ANK2: variants seen among roughly 807,000 people sequenced by gnomAD.
The protein encoded by ANK2 is ankyrin 2.
Under a neutral mutation model 360.5 loss-of-function variants are expected in ANK2, and 83 were observed. That is an observed-to-expected ratio of 0.23 (90% confidence interval 0.19 to 0.28). The LOEUF (loss-of-function observed/expected upper bound fraction) is 0.28. ANK2 is among the 10% of genes least tolerant of loss of function. The pLI is 1.00. For missense variants in ANK2, 4,201 were observed against 4,795.7 expected, an observed-to-expected ratio of 0.88 and a Z score of 3.66; for synonymous variants, 1,740 against 1,759.5, an observed-to-expected ratio of 0.99 and a Z score of 0.28.
intron 1 of ANK2, among the ~76,000 whole-genome samples, chr4:112,876,104 T>G (rs889908576): frequency 6.6e-6 from 1 of 151,974 alleles, no homozygotes; most frequent in African/African-American, 2.4e-5. Flanking sequence ...TACCAACAAT[T>G]TAATGTGGGT....
chr4:113,030,704 A>G (rs934077837), intron 2 of ANK2, among the ~76,000 whole-genome samples: 5 of 152,030 alleles, frequency 3.3e-5, no homozygotes, highest in Admixed American at 6.6e-5. Context: ...TATTATTTCT[A>G]TGTTTGTGAA....
chr4:113,035,641 T>C (rs918498877), intron 2 of ANK2, among the ~76,000 whole-genome samples: 5 of 151,862 alleles, frequency 3.3e-5, no homozygotes, highest in Non-Finnish European at 5.9e-5. Flanking sequence ...CTGAAAATGC[T>C]GAAGACTAAA....
intron 1 of ANK2, among the ~76,000 whole-genome samples, chr4:113,110,613 G>C (rs1481899223): frequency 6.6e-6 from 1 of 152,108 alleles, no homozygotes; most frequent in Non-Finnish European, 1.5e-5. Context: ...AGTACGCATG[G>C]ATACAATAGT....
intron 1 of ANK2, among the ~76,000 whole-genome samples, chr4:113,086,520 A>G (rs775982437): frequency 6.6e-6 from 1 of 152,228 alleles, no homozygotes; most frequent in African/African-American, 2.4e-5. Flanking sequence ...ACTGCTGTGA[A>G]TTAAACAAAG....
the ANK2 span, among the ~76,000 whole-genome samples, chr4:112,766,187 C>G: frequency 6.6e-6 from 1 of 151,918 alleles, no homozygotes; most frequent in Non-Finnish European, 1.5e-5. Flanking sequence ...CAAAAATTAG[C>G]CGGGCGTGGT....
At chr4:113,271,889 G>A (rs1455296506) in intron 14 of ANK2, among the ~76,000 whole-genome samples, 2 of 152,314 alleles carry the variant, frequency 1.3e-5, no homozygotes, top group Non-Finnish European at 2.9e-5. Flanking sequence ...TCGCAGGAAG[G>A]TCCTTCCTTG....
intron 24 of ANK2, among the ~76,000 whole-genome samples, chr4:113,314,044 G>A (rs2153826948): frequency 6.6e-6 from 1 of 152,186 alleles, no homozygotes; most frequent in Non-Finnish European, 1.5e-5. Context: ...ATGTGTAGTT[G>A]GAGAAGATAG....
chr4:112,855,033 A>G (rs1232701195), intron 1 of ANK2, among the ~76,000 whole-genome samples: 1 of 152,336 alleles, frequency 6.6e-6, no homozygotes, highest in South Asian at 2.1e-4. Context: ...ACACAATGCA[A>G]TATTAGCATC....
At chr4:113,097,775 A>T (rs922746591) in intron 1 of ANK2, among the ~76,000 whole-genome samples, 1 of 151,106 alleles carries the variant, frequency 6.6e-6, no homozygotes, top group Non-Finnish European at 1.5e-5. Context: ...TTGAAATTTG[A>T]GTTAGCCATT....
intron 23 of ANK2, among the ~76,000 whole-genome samples, chr4:113,309,581 C>T (rs543230484): frequency 7.3e-4 from 111 of 152,134 alleles, no homozygotes; most frequent in African/African-American, 2.6e-3. Flanking sequence ...TGCAGTGGTG[C>T]GATCATGGCT....
intron 9 of ANK2, among the ~76,000 whole-genome samples, chr4:113,245,516 T>C (rs1427816725): frequency 1.3e-5 from 2 of 152,132 alleles, no homozygotes; most frequent in African/African-American, 4.8e-5. Flanking sequence ...CTTCTTCAAA[T>C]GGTGGCAGGA....
rs2154022097 is a variant in ANK2, at chr4:113,354,891, A to G, written c.6273A>G (p.Lys2091=). The G allele has an allele frequency of 1.2e-6, 2 of 1,614,118 alleles. No individual in the cohort carries two copies. Among genetic ancestry groups the G allele is most frequent in the Middle Eastern group, 1.6e-4 (1 of 6,062 alleles). Reference sequence around the variant, plus strand: ...GAAAGGAGAAAGTTCTCAGCCACAAAATACCTGAACCTGTTCAGTCAGTGC... The same window carrying G: ...GAAAGGAGAAAGTTCTCAGCCACAAGATACCTGAACCTGTTCAGTCAGTGC... ...AGGKEKVLSH[K]IPEPVQSVPE... The change falls in exon 38 of 46, where the codon AAA becomes AAG. Residue 2091 remains lysine (K), a synonymous_variant. Transcript: ENST00000357077.
At chr4:112,712,387 C>CATAT in the ANK2 span, among the ~76,000 whole-genome samples, 8 of 115,424 alleles carry the variant, frequency 6.9e-5, no homozygotes, top group African/African-American at 2.3e-4. Flanking sequence ...GCCAAGATGT[C>CATAT]ATATATATAT....
intron 2 of ANK2, among the ~76,000 whole-genome samples, chr4:112,982,893 T>G: frequency 6.6e-6 from 1 of 152,332 alleles, no homozygotes; most frequent in African/African-American, 2.4e-5. Flanking sequence ...GAAAAAGCTG[T>G]TTTGCAATCT....
the ANK2 span, among the ~76,000 whole-genome samples, chr4:112,714,074 T>G: frequency 6.6e-6 from 1 of 152,286 alleles, no homozygotes; most frequent in Non-Finnish European, 1.5e-5. Context: ...TTTTGTTGTT[T>G]TAGTCATTCT....
chr4:113,226,185 A>G (rs1037008080), intron 4 of ANK2, among the ~76,000 whole-genome samples: 3 of 152,162 alleles, frequency 2.0e-5, no homozygotes, highest in African/African-American at 4.8e-5. Flanking sequence ...TTTCCAATGT[A>G]TCCTCCCCAT....
intron 4 of ANK2, among the ~76,000 whole-genome samples, chr4:113,201,851 A>G (rs1018844756): frequency 6.6e-6 from 1 of 152,210 alleles, no homozygotes; most frequent in African/African-American, 2.4e-5. Flanking sequence ...TATAAGGTAT[A>G]ATCATGCCAA....
the ANK2 span, among the ~76,000 whole-genome samples, chr4:112,801,960 G>T: frequency 9.5e-6 from 1 of 104,750 alleles, no homozygotes; most frequent in Non-Finnish European, 2.0e-5. Flanking sequence ...GACCATTCAT[G>T]ATTTTTTTTT....
At chr4:112,831,275 C>T (rs1182062709) in intron 1 of ANK2, among the ~76,000 whole-genome samples, 2 of 152,182 alleles carry the variant, frequency 1.3e-5, no homozygotes, top group African/African-American at 2.4e-5. Flanking sequence ...GCTCCTGAGT[C>T]GGGTGGGGAC....
Sources: gnomAD v4.1 joint callset for allele counts (sites outside exome capture counted in the v4.1 genomes callset) on GRCh38, gnomAD v4.1.1 for gene constraint, MANE v1.5 for transcripts, NCBI Gene and HGNC (gene_info 2026-07-23, HGNC 2026-07-21) for gene names.